POLR1A: variants seen among roughly 807,000 people sequenced by gnomAD.
POLR1A encodes the protein RNA polymerase I subunit A, also known as DNA-directed RNA polymerase I subunit RPA1.
A neutral mutation model predicts 205.3 loss-of-function variants in POLR1A; 84 were observed. The ratio of observed to expected loss-of-function variants is 0.41; its 90% CI spans 0.34 to 0.49. POLR1A has a LOEUF of 0.49. Among genes scored for constraint, POLR1A ranks in the 20% least tolerant of loss-of-function variants. The pLI is 0.22. For synonymous variants in POLR1A, 799 were observed against 863.7 expected, an observed-to-expected ratio of 0.93 and a Z score of 1.31; for missense variants, 1,645 against 2,204.5, an observed-to-expected ratio of 0.75 and a Z score of 5.08.
rs765789716 is a variant in POLR1A, at chr2:86,075,039, C to A, written c.1602G>T (p.Gly534=). ...AGCTGCCCTTACTCACAATTTTTGTCCCCTGGGGCTTAGGTGCCCCCGTGG... is the reference window on the plus strand; with the variant it reads ...AGCTGCCCTTACTCACAATTTTTGTACCCTGGGGCTTAGGTGCCCCCGTGG... The part of the protein sequence containing the change: ...TPATGAPKPQ[G]TKIVCRHVKN... The change falls in exon 12 of 34, where the codon GGG becomes GGT. Residue 534 remains glycine, a synonymous_variant. Coordinates refer to ENST00000263857, the MANE Select transcript of POLR1A (RefSeq NM_015425.6). 1 of 1,607,586 alleles carries A rather than the reference C, an allele frequency of 6.2e-7. No individual in the cohort carries two copies. Among genetic ancestry groups the A allele is most frequent in the African/African-American group, 1.3e-5 (1 of 74,914 alleles).
intron 27 of POLR1A, among the ~76,000 whole-genome samples, chr2:86,036,725 G>A (rs1194762450): frequency 6.6e-6 from 1 of 152,164 alleles, no homozygotes; most frequent in East Asian, 1.9e-4. Context: ...TAACCCCTCA[G>A]CCCCATTCTG....
At chr2:86,052,709 G>A (rs913666989) in intron 16 of POLR1A, 108 bp downstream of exon 16, 50 of 891,988 alleles carry the variant, frequency 5.6e-5, no homozygotes, top group Non-Finnish European at 7.2e-5. Context: ...ACACACAGAA[G>A]CCTTGGAAAT....
chr2:86,079,924 T>C (rs1673365505), intron 9 of POLR1A, among the ~76,000 whole-genome samples: 1 of 152,218 alleles, frequency 6.6e-6, no homozygotes, highest in Non-Finnish European at 1.5e-5. Context: ...CCATGGTCTT[T>C]TCTTGGAAAC....
In POLR1A at chr2:86,088,581, CCTT is replaced by C. The variant is rs1673545439; in HGVS notation, c.712_714del (p.Lys238del). ...GCCTGCTCACCCAGGGGCTCAGAGT[CCTT>C]CTGGCCAGCTGTCCTGTGCACCATG... On this transcript the variant is annotated inframe_deletion, in exon 6 of 34. Transcript: ENST00000263857. 11 of 1,613,258 alleles carry C rather than the reference CCTT, an allele frequency of 6.8e-6. No individual in the cohort carries two copies. The highest frequency in any genetic ancestry group is 8.5e-6 in the Non-Finnish European group (10 of 1,179,156).
In POLR1A at chr2:86,054,246, A is replaced by T; in HGVS notation, c.2102T>A (p.Ile701Asn). The change falls in exon 15 of 34, where the codon ATC (isoleucine) becomes AAC (asparagine). Residue 701 changes from isoleucine to asparagine, a missense_variant. Coordinates refer to ENST00000263857, the MANE Select transcript of POLR1A (RefSeq NM_015425.6). Reference sequence around the variant, plus strand: ...CGCCTTTCCAGATAAGTTCAGTGGGATGTGGTCCTCTGGGATTATATTTAT... The same window carrying T: ...CGCCTTTCCAGATAAGTTCAGTGGGTTGTGGTCCTCTGGGATTATATTTAT... ...LLINIIPEDH[I>N]PLNLSGKAKI... The T allele has an allele frequency of 5.0e-6, 8 of 1,614,060 alleles. No individual in the cohort carries two copies. Among genetic ancestry groups the T allele is most frequent in the Non-Finnish European group, 6.8e-6 (8 of 1,179,902 alleles).
chr2:86,076,743 G>A (rs532878657), intron 11 of POLR1A, among the ~76,000 whole-genome samples: 12 of 152,298 alleles, frequency 7.9e-5, no homozygotes, highest in African/African-American at 2.4e-4. Flanking sequence ...AGAAAAGGCA[G>A]CACAAAAGGT....
At position 86,030,494 on chromosome 2, in the gene POLR1A, T is replaced by G. The variant is rs1259786243; in HGVS notation, c.4579-98A>C. 3 of 859,478 alleles carry G rather than the reference T, an allele frequency of 3.5e-6. No homozygotes were observed. The Admixed American group carries it at 6.2e-5, about 18-fold the overall frequency. The allele number at this position is 859,478 out of a possible 1,614,324, so 53.2% of individuals were successfully genotyped here. On this transcript the variant is annotated intron_variant, in intron 30 of 33. Coordinates refer to ENST00000263857, the MANE Select transcript of POLR1A (RefSeq NM_015425.6). ...CTTCAAAACCTTTTCAGGAACTCCC[T>G]GGCTGGGGGAAAGTGGTCCTGCTGG... is the stretch of plus-strand genomic sequence containing the variant.
At position 86,043,132 on chromosome 2, in the gene POLR1A, G is replaced by T; in HGVS notation, c.3199C>A (p.His1067Asn). 1 of 1,614,070 alleles carries T rather than the reference G, an allele frequency of 6.2e-7. No homozygotes were observed. Among genetic ancestry groups the T allele is most frequent in the Non-Finnish European group, 8.5e-7 (1 of 1,179,952 alleles). ...LSRADPKKAL[H>N]HFRAIKKWQS... ...CATTTTTTGATAGCTCTGAAGTGGT[G>T]GAGAGCTTTTTTGGGATCTGCTCTG... The change falls in exon 23 of 34, where the codon CAC (histidine) becomes AAC (asparagine). Residue 1067 changes from histidine to asparagine, a missense_variant. This residue lies in a region of POLR1A where 201 missense variants were observed against 222.3 expected (regional missense o/e 0.90). Transcript: ENST00000263857.
In POLR1A at chr2:86,039,482, C is replaced by T. The variant is rs780730796; in HGVS notation, c.3741-20G>A. 14 of 1,613,894 alleles carry T rather than the reference C, an allele frequency of 8.7e-6. No individual in the cohort carries two copies. The highest frequency in any genetic ancestry group is 1.2e-5 in the Non-Finnish European group (14 of 1,179,942). Reference sequence around the variant, plus strand: ...CGCAACCTGTCACAGAATAAGGGCACATCCAATCATGAGTGGCAACCAGAC... The same window carrying T: ...CGCAACCTGTCACAGAATAAGGGCATATCCAATCATGAGTGGCAACCAGAC... On this transcript the variant is annotated intron_variant, in intron 25 of 33. Transcript: ENST00000263857.
At chr2:86,096,997 G>A (rs150928729) in intron 3 of POLR1A, among the ~76,000 whole-genome samples, 231 of 152,024 alleles carry the variant, frequency 1.5e-3, no homozygotes, top group Non-Finnish European at 2.2e-3. Flanking sequence ...TCCAGAATAT[G>A]TAAGGAACTC....
Position 86,084,576 on chromosome 2 carries a change from TCA to T in POLR1A, c.731-1410_731-1409del, listed in dbSNP as rs370667775. On this transcript the variant is annotated intron_variant, in intron 6 of 33. Transcript: ENST00000263857. ...CCTAACACTTGACAGGGTGTCTAGC[TCA>T]CAGCAAATTCTAAGTTAAGAGTATA... 3.5e-4 allele frequency among the ~76,000 whole-genome samples: 53 copies of T among 152,118 alleles called. 1 individual carries two copies. The East Asian group carries it at 9.8e-3, about 28-fold the overall frequency.
At position 86,105,810 on chromosome 2, in the gene POLR1A, G is replaced by A. The variant is rs201587036; in HGVS notation, c.-34C>T. 1.0e-5 allele frequency: 16 copies of A among 1,557,556 alleles called. No homozygotes were observed. The African/African-American group carries it at 1.9e-4, about 18-fold the overall frequency. Reference sequence around the variant, plus strand: ...TCCGTTTTGAATTCCGACACCCCAAGAGACGTTCCACTCACCACCTGACTA... The same window carrying A: ...TCCGTTTTGAATTCCGACACCCCAAAAGACGTTCCACTCACCACCTGACTA... On this transcript the variant is annotated 5_prime_UTR_variant, in exon 1 of 34. Transcript: ENST00000263857.
At chr2:86,091,929 C>T (rs937899504) in intron 3 of POLR1A, among the ~76,000 whole-genome samples, 1 of 152,086 alleles carries the variant, frequency 6.6e-6, no homozygotes, top group African/African-American at 2.4e-5. Context: ...GCCTGGCCAA[C>T]ATGGTGACAC....
At chr2:86,057,593 C>G (rs182554312) in intron 14 of POLR1A, among the ~76,000 whole-genome samples, 4 of 152,078 alleles carry the variant, frequency 2.6e-5, no homozygotes, top group Admixed American at 2.6e-4. Context: ...CAAATGGATA[C>G]AGAGGAAACA....
intron 12 of POLR1A, among the ~76,000 whole-genome samples, chr2:86,073,198 CA>C (rs1335014600): frequency 6.2e-5 from 2 of 32,256 alleles, no homozygotes; most frequent in African/African-American, 2.5e-4. Context: ...GACCTTGTCT[CA>C]AAAAAAAATA....
rs139172887 is a variant in POLR1A at position 86,029,118 on chromosome 2, C to T, written c.4780-407G>A. ...GTGCATGGAGTGGGGGCCAGTCAGC[C>T]GCACAGGCATGTGCTGGGCCTTACC... On this transcript the variant is annotated intron_variant, in intron 31 of 33. Coordinates refer to ENST00000263857, the MANE Select transcript of POLR1A (RefSeq NM_015425.6). Among the ~76,000 whole-genome samples, 91 of 152,328 alleles carry T rather than the reference C, an allele frequency of 6.0e-4. 2 individuals are homozygous for T. The Middle Eastern group carries it at 0.017, about 28-fold the overall frequency.
chr2:86,027,985 G>A lies in POLR1A; in HGVS notation c.4962C>T (p.Tyr1654=), dbSNP rs113749271. The A allele has an allele frequency of 1.2e-6, 2 of 1,609,358 alleles. No individual in the cohort carries two copies. Among genetic ancestry groups the A allele is most frequent in the Non-Finnish European group, 8.5e-7 (1 of 1,178,724 alleles). The change falls in exon 33 of 34, where the codon TAC becomes TAT. Residue 1654 remains tyrosine (Y), a synonymous_variant. Coordinates refer to ENST00000263857, the MANE Select transcript of POLR1A (RefSeq NM_015425.6). ...VADYMCFEGV[Y]KPLNRFGIRS... ...GGATCCCAAAGCGATTCAGTGGCTT[G>A]TAAACACCCTCGAAGCACATATAAT...
At chr2:86,080,667 C>T (rs1479613408) in intron 9 of POLR1A, 149 bp downstream of exon 9, 1 of 660,196 alleles carries the variant, frequency 1.5e-6, no homozygotes, top group Non-Finnish European at 2.5e-6. Context: ...TCCTAGGTGC[C>T]CCCTAAGCCC....
Position 86,041,925 on chromosome 2 carries a change from T to C in POLR1A, c.3536A>G (p.Glu1179Gly). 6.2e-7 allele frequency: 1 copy of C among 1,614,168 alleles called. No individual in the cohort carries two copies. The highest frequency in any genetic ancestry group is 8.5e-7 in the Non-Finnish European group (1 of 1,180,014). ...AAGCTCTGATTTCTCATAACTCTTC[T>C]CTGTTTGAGCTGCCCACTCTTGACT... ...DYSQEWAAQTEKSYEKSELSL... is the reference protein window; with the variant it reads ...DYSQEWAAQTGKSYEKSELSL... Residue 1179 changes from glutamate (E) to glycine (G), a missense_variant, in exon 24 of 34, where the codon GAG becomes GGG. Glu to Gly is a moderately conservative substitution (Grantham distance 98, BLOSUM62 -2). Coordinates refer to ENST00000263857, the MANE Select transcript of POLR1A (RefSeq NM_015425.6).
Sources: gnomAD v4.1 joint callset for allele counts (sites outside exome capture counted in the v4.1 genomes callset) on GRCh38, gnomAD v4.1.1 for gene constraint, gnomAD v4.1.1 regional missense constraint, MANE v1.5 for transcripts, NCBI Gene and HGNC (gene_info 2026-07-23, HGNC 2026-07-21) for gene names.